Variants in DOCK7 observed in about 807,000 individuals in gnomAD.
DOCK7 encodes the protein dedicator of cytokinesis protein 7.
In DOCK7, 138 loss-of-function variants were observed where a neutral mutation model predicts 271.0. That is an observed-to-expected ratio of 0.51 (90% CI 0.44 to 0.59). The LOEUF (loss-of-function observed/expected upper bound fraction) is 0.59, where lower values mean the gene tolerates loss of function less well. Among genes scored for constraint, DOCK7 ranks in the 20% least tolerant of loss-of-function variants. The pLI is 0.00. For synonymous variants in DOCK7, 823 were observed against 876.1 expected (o/e 0.94, Z 1.07); for missense variants, 2,066 against 2,592.4 (o/e 0.80, Z 4.41).
At chr1:62,556,076 A>G (rs189493523) in intron 20 of DOCK7, 87 bp from the exon 21 acceptor site, 203 of 1,340,782 alleles carry the variant, frequency 1.5e-4, no homozygotes, top group Middle Eastern at 4.5e-4. Context: ...TCATCTTTGC[A>G]TACTTTAAGT....
chr1:62,510,641 G>T lies in DOCK7; in HGVS notation c.4315C>A (p.Gln1439Lys), dbSNP rs202112220. The change falls in exon 34 of 50, where the codon CAA (glutamine) becomes AAA (lysine). Residue 1439 changes from glutamine to lysine, a missense_variant. Physicochemically the swap from Gln to Lys is moderately conservative, Grantham distance 53 (BLOSUM62 1). Coordinates refer to ENST00000635253, the MANE Select transcript of DOCK7 (RefSeq NM_001367561.1). ...RSPSGSAFGS[Q>K]ENLRWRKDMT... ...TCTTTCCTCCACCTCAAATTTTCTTGACTTCCAAAGGCACTTCCAGATGGG... is the reference window on the plus strand; with the variant it reads ...TCTTTCCTCCACCTCAAATTTTCTTTACTTCCAAAGGCACTTCCAGATGGG... The T allele has an allele frequency of 5.6e-6, 9 of 1,612,878 alleles. No homozygotes were observed. Among genetic ancestry groups the T allele is most frequent in the Non-Finnish European group, 2.5e-6 (3 of 1,179,352 alleles).
intron 1 of DOCK7, among the ~76,000 whole-genome samples, chr1:62,677,691 G>A (rs1029777800): frequency 6.6e-6 from 1 of 152,044 alleles, no homozygotes; most frequent in Admixed American, 6.5e-5. Context: ...GAATGAAGAA[G>A]AAAAGCCCCA....
intron 1 of DOCK7, among the ~76,000 whole-genome samples, chr1:62,674,631 G>A (rs946530940): frequency 6.6e-6 from 1 of 152,144 alleles, no homozygotes; most frequent in Non-Finnish European, 1.5e-5. Context: ...AAACAGAACT[G>A]AGTATCAAGA....
chr1:62,586,366 C>A, intron 15 of DOCK7, 141 bp downstream of exon 15: 1 of 592,318 alleles, frequency 1.7e-6, no homozygotes, highest in Non-Finnish European at 2.9e-6. Context: ...TCATTACTAT[C>A]TATACAGAAA....
chr1:62,550,782 G>A (rs1645868907), intron 22 of DOCK7, among the ~76,000 whole-genome samples: 2 of 147,256 alleles, frequency 1.4e-5, no homozygotes, highest in East Asian at 2.0e-4. Flanking sequence ...GTGCAATGGT[G>A]AGATCTCGGC....
intron 39 of DOCK7, 172 bp downstream of exon 39, chr1:62,495,409 T>TG (rs1239418959): frequency 7.3e-6 from 3 of 411,646 alleles, no homozygotes; most frequent in African/African-American, 6.3e-5. Context: ...CTGGGCAATA[T>TG]GGTAAAACCC....
intron 14 of DOCK7, among the ~76,000 whole-genome samples, chr1:62,600,470 TCTTA>T (rs1260473730): frequency 1.3e-5 from 2 of 151,828 alleles, no homozygotes; most frequent in African/African-American, 4.8e-5. Context: ...ATTCTGCTTT[TCTTA>T]CTGTCAATGA....
rs930859481 is a variant in DOCK7 at position 62,533,905 on chromosome 1, C to CA, written c.3611+1587dup. Reference sequence around the variant, plus strand: ...TTATAAACTTGGATTATTCCTACTACAAAAAAAAAATTTTAAGCCATTATC... The same window carrying CA: ...TTATAAACTTGGATTATTCCTACTACAAAAAAAAAAATTTTAAGCCATTATC... On this transcript the variant is annotated intron_variant, in intron 29 of 49. Transcript: ENST00000635253. Among the ~76,000 whole-genome samples, 17 of 149,160 alleles carry CA rather than the reference C, an allele frequency of 1.1e-4. No individual in the cohort carries two copies. The East Asian group carries it at 1.8e-3, about 16-fold the overall frequency.
intron 1 of DOCK7, 24 bp downstream of exon 1, chr1:62,688,203 G>A: frequency 7.3e-7 from 1 of 1,370,108 alleles, no homozygotes; most frequent in South Asian, 1.6e-5. Context: ...GGCGGCGGCG[G>A]CGCGCCCCAC....
At chr1:62,584,055 T>C (rs1647230492) in intron 15 of DOCK7, 1 of 729,624 alleles carries the variant, frequency 1.4e-6, no homozygotes, top group Non-Finnish European at 1.7e-6. Context: ...TCTTTACATA[T>C]GCATGAATAG....
chr1:62,508,436 T>C lies in DOCK7; in HGVS notation c.4380-378A>G, dbSNP rs1383134030. ...CAAATATTTAGTATTCATCTTACTA[T>C]TTCAAATATTTCCAATGTCTGTATT... On this transcript the variant is annotated intron_variant, in intron 34 of 49. Transcript: ENST00000635253. 3.9e-5 allele frequency among the ~76,000 whole-genome samples: 6 copies of C among 152,224 alleles called. No homozygotes were observed. In the East Asian group the frequency reaches 1.2e-3, roughly 29 times the overall value.
At chr1:62,658,882 G>A (rs983604584) in intron 2 of DOCK7, among the ~76,000 whole-genome samples, 1 of 151,938 alleles carries the variant, frequency 6.6e-6, no homozygotes, top group Non-Finnish European at 1.5e-5. Flanking sequence ...GAGCCTGGGA[G>A]GCAGAGGTTG....
intron 37 of DOCK7, among the ~76,000 whole-genome samples, chr1:62,502,499 T>C (rs749182091): frequency 1.6e-4 from 24 of 152,208 alleles, no homozygotes; most frequent in Non-Finnish European, 2.5e-4. Flanking sequence ...AGGAATGCCA[T>C]GTTGTTGGGT....
intron 28 of DOCK7, 73 bp downstream of exon 28, chr1:62,537,817 AT>A (rs1410171402): frequency 1.7e-5 from 24 of 1,374,174 alleles, no homozygotes; most frequent in Non-Finnish European, 2.4e-5. Flanking sequence ...AATAAGTGTT[AT>A]TTTTTCCATT....
intron 31 of DOCK7, among the ~76,000 whole-genome samples, chr1:62,523,019 C>G (rs1367721893): frequency 6.6e-6 from 1 of 151,942 alleles, no homozygotes; most frequent in East Asian, 1.9e-4. Flanking sequence ...TTGGTAGAAA[C>G]TAAAAAAGTT....
At chr1:62,638,668 A>AAT (rs773894903) in intron 7 of DOCK7, among the ~76,000 whole-genome samples, 15 of 147,948 alleles carry the variant, frequency 1.0e-4, no homozygotes, top group South Asian at 2.1e-4. Flanking sequence ...TATTTTCATG[A>AAT]ATATATATAT....
intron 1 of DOCK7, among the ~76,000 whole-genome samples, chr1:62,677,960 T>C (rs907542489): frequency 1.3e-5 from 2 of 151,968 alleles, no homozygotes; most frequent in Non-Finnish European, 2.9e-5. Context: ...AGACCCCACC[T>C]CTAAAATAAA....
In DOCK7 at chr1:62,529,327, G is replaced by C; in HGVS notation, c.3731C>G (p.Pro1244Arg). ...AGTTTCCATGATAATACCAATCAGA[G>C]GTAGATACAACATGGCCACTCGAGC... ...IKARVAMLYL[P>R]LIGIIMETVP... The change falls in exon 30 of 50, where the codon CCT (proline) becomes CGT (arginine). Residue 1244 changes from proline to arginine, a missense_variant. Pro to Arg is a moderately radical substitution (Grantham distance 103, BLOSUM62 -2). This residue lies in a region of DOCK7 where 1,414 missense variants were observed against 1,670.4 expected (regional missense o/e 0.85). Coordinates refer to ENST00000635253, the MANE Select transcript of DOCK7 (RefSeq NM_001367561.1). 6.2e-7 allele frequency: 1 copy of C among 1,613,370 alleles called. No homozygotes were observed. The highest frequency in any genetic ancestry group is 1.1e-5 in the South Asian group (1 of 90,978).
intron 16 of DOCK7, among the ~76,000 whole-genome samples, chr1:62,579,695 G>GAAAAAAAAAAAAAA: frequency 1.6e-5 from 1 of 63,888 alleles, no homozygotes; most frequent in Non-Finnish European, 2.9e-5. Flanking sequence ...GAGTGAGACC[G>GAAAAAAAAAAAAAA]AAAAAAAAAA....
Sources: allele counts gnomAD v4.1 joint callset (sites outside exome capture counted in the v4.1 genomes callset), GRCh38; gene constraint gnomAD v4.1.1; regional missense constraint gnomAD v4.1.1; transcripts MANE v1.5; gene names NCBI Gene and HGNC (gene_info 2026-07-23, HGNC 2026-07-21).